The following DLG2 variants were observed in gnomAD, a reference collection of about 807,000 sequenced individuals.
The protein encoded by DLG2 is disks large homolog 2.
A neutral mutation model predicts 132.5 loss-of-function variants in DLG2; 45 were observed. The ratio of observed to expected loss-of-function variants is 0.34; its 90% CI spans 0.27 to 0.44. The LOEUF (loss-of-function observed/expected upper bound fraction) is 0.44, where lower values mean the gene tolerates loss of function less well. Ranked by LOEUF, DLG2 falls within the 20% of genes least tolerant of loss-of-function variation. DLG2 has a pLI of 1.00. For synonymous variants in DLG2, 424 were observed against 419.6 expected (o/e 1.01, Z -0.13); for missense variants, 1,045 against 1,196.9 (o/e 0.87, Z 1.87).
intron 10 of DLG2, among the ~76,000 whole-genome samples, chr11:84,090,635 T>G (rs941283313): frequency 6.6e-6 from 1 of 152,120 alleles, no homozygotes; most frequent in Non-Finnish European, 1.5e-5. Context: ...GACAACATAT[T>G]GCAAAGTAGG....
At chr11:85,508,434 T>C (rs932405197) in intron 3 of DLG2, among the ~76,000 whole-genome samples, 12 of 152,044 alleles carry the variant, frequency 7.9e-5, no homozygotes, top group Non-Finnish European at 1.8e-4. Context: ...CTAATCAATG[T>C]CACTTTATTA....
At chr11:85,008,799 C>A (rs1051015201) in intron 6 of DLG2, among the ~76,000 whole-genome samples, 6 of 151,776 alleles carry the variant, frequency 4.0e-5, no homozygotes, top group Non-Finnish European at 5.9e-5. Context: ...ACAAAAAAAA[C>A]CCAGCAGATA....
At chr11:85,095,204 A>G (rs1339550730) in intron 6 of DLG2, among the ~76,000 whole-genome samples, 2 of 152,198 alleles carry the variant, frequency 1.3e-5, no homozygotes, top group Non-Finnish European at 2.9e-5. Flanking sequence ...TAATAATAAT[A>G]AAGTGTGAAA....
intron 6 of DLG2, among the ~76,000 whole-genome samples, chr11:84,623,668 G>C (rs1165401101): frequency 3.3e-5 from 5 of 152,102 alleles, no homozygotes; most frequent in Non-Finnish European, 4.4e-5. Context: ...CATTTTAATA[G>C]TTACTACCTC....
chr11:84,416,835 A>G (rs2098931492), intron 7 of DLG2, among the ~76,000 whole-genome samples: 1 of 152,356 alleles, frequency 6.6e-6, no homozygotes, highest in East Asian at 1.9e-4. Context: ...ACCAATATCA[A>G]CTTCATAACC....
chr11:85,179,872 C>T (rs2079571398), intron 4 of DLG2, among the ~76,000 whole-genome samples: 1 of 151,896 alleles, frequency 6.6e-6, no homozygotes, highest in Non-Finnish European at 1.5e-5. Context: ...TGAGTCATCA[C>T]AATAGCCTAT....
chr11:83,711,739 T>C (rs1346466864), intron 18 of DLG2, among the ~76,000 whole-genome samples: 1 of 152,162 alleles, frequency 6.6e-6, no homozygotes, highest in Non-Finnish European at 1.5e-5. Flanking sequence ...CCTGTCTTTT[T>C]ATTAGGGTTT....
At chr11:84,652,038 GA>G (rs1163220678) in intron 6 of DLG2, among the ~76,000 whole-genome samples, 2 of 152,062 alleles carry the variant, frequency 1.3e-5, no homozygotes, top group African/African-American at 2.4e-5. Flanking sequence ...GGGAAGAGAG[GA>G]AAAAAATAGG....
intron 4 of DLG2, among the ~76,000 whole-genome samples, chr11:85,225,044 G>A (rs1221430875): frequency 6.7e-6 from 1 of 150,028 alleles, no homozygotes; most frequent in East Asian, 1.9e-4. Context: ...TTAGGTGTTT[G>A]AAATATAAGT....
intron 4 of DLG2, among the ~76,000 whole-genome samples, chr11:85,165,683 T>G (rs2078387158): frequency 6.6e-6 from 1 of 152,210 alleles, no homozygotes; most frequent in Admixed American, 6.5e-5. Context: ...AAATTTAATT[T>G]AATGATCAAA....
intron 11 of DLG2, among the ~76,000 whole-genome samples, chr11:83,989,078 A>C (rs577674193): frequency 6.6e-6 from 1 of 152,138 alleles, no homozygotes; most frequent in Non-Finnish European, 1.5e-5. Context: ...GAGGACAAGG[A>C]AAGTCCCATG....
intron 11 of DLG2, among the ~76,000 whole-genome samples, chr11:84,057,836 G>A (rs1230379053): frequency 6.6e-6 from 1 of 152,140 alleles, no homozygotes; most frequent in Non-Finnish European, 1.5e-5. Flanking sequence ...GCCCAGAGAG[G>A]TTAAGCAATT....
At chr11:84,307,524 G>A (rs1481344305) in intron 7 of DLG2, among the ~76,000 whole-genome samples, 1 of 151,940 alleles carries the variant, frequency 6.6e-6, no homozygotes, top group Non-Finnish European at 1.5e-5. Context: ...GTGAAACCCT[G>A]TCTCTACTAA....
At chr11:83,737,810 G>A (rs1012825167) in intron 18 of DLG2, among the ~76,000 whole-genome samples, 7 of 152,150 alleles carry the variant, frequency 4.6e-5, no homozygotes, top group African/African-American at 1.7e-4. Context: ...AAAATTAGCT[G>A]AGTGTGGTGG....
chr11:85,358,230 A>T (rs1397123431), intron 3 of DLG2, among the ~76,000 whole-genome samples: 1 of 152,172 alleles, frequency 6.6e-6, no homozygotes, highest in Non-Finnish European at 1.5e-5. Flanking sequence ...GAAATCACAG[A>T]AGTAGATACT....
At chr11:84,341,221 G>T (rs192166237) in intron 7 of DLG2, among the ~76,000 whole-genome samples, 3 of 152,160 alleles carry the variant, frequency 2.0e-5, no homozygotes, top group Admixed American at 2.0e-4. Flanking sequence ...TCTCTCTTAA[G>T]ATATATATTA....
At chr11:84,462,245 C>A (rs1487206033) in intron 7 of DLG2, among the ~76,000 whole-genome samples, 1 of 150,994 alleles carries the variant, frequency 6.6e-6, no homozygotes, top group African/African-American at 2.4e-5. Context: ...GGACTTTAAC[C>A]ACAAATTAAA....
intron 21 of DLG2, among the ~76,000 whole-genome samples, chr11:83,495,394 A>G (rs2094099194): frequency 6.6e-6 from 1 of 152,208 alleles, no homozygotes; most frequent in East Asian, 1.9e-4. Context: ...CTAATTTTGG[A>G]CTGCCCTTCC....
intron 6 of DLG2, among the ~76,000 whole-genome samples, chr11:84,582,869 G>C (rs1273287144): frequency 6.6e-6 from 1 of 152,268 alleles, no homozygotes; most frequent in Non-Finnish European, 1.5e-5. Flanking sequence ...TCTTATCCTT[G>C]CAGGTTAGTA....
Sources: gnomAD v4.1 joint callset for allele counts (sites outside exome capture counted in the v4.1 genomes callset) on GRCh38, gnomAD v4.1.1 for gene constraint, MANE v1.5 for transcripts, NCBI Gene and HGNC (gene_info 2026-07-23, HGNC 2026-07-21) for gene names.